The following PITPNC1 variants were observed in gnomAD, a reference collection of about 807,000 sequenced individuals.
PITPNC1 encodes the protein phosphatidylinositol transfer protein cytoplasmic 1, also known as cytoplasmic phosphatidylinositol transfer protein 1.
In PITPNC1, 18 loss-of-function variants were observed where a neutral mutation model predicts 44.7. The observed-to-expected ratio is 0.40, with a 90% confidence interval of 0.28 to 0.60. The LOEUF is 0.60. PITPNC1 is among the 20% of genes least tolerant of loss of function. PITPNC1 has a pLI of 0.39. For synonymous variants in PITPNC1, 141 were observed against 149.6 expected (o/e 0.94, Z 0.42); for missense variants, 290 against 418.4 (o/e 0.69, Z 2.68).
At chr17:67,423,628 C>G (rs2038701729) in intron 1 of PITPNC1, among the ~76,000 whole-genome samples, 1 of 152,198 alleles carries the variant, frequency 6.6e-6, no homozygotes, top group South Asian at 2.1e-4. Context: ...CTCAGCCTCC[C>G]TGAAGGTCCA....
At chr17:67,460,877 G>A (rs1018286673) in intron 1 of PITPNC1, among the ~76,000 whole-genome samples, 2 of 149,494 alleles carry the variant, frequency 1.3e-5, no homozygotes, top group African/African-American at 2.5e-5. Context: ...CAGTAGCTGG[G>A]ATTATAGGCG....
chr17:67,574,465 G>A (rs1836065), intron 4 of PITPNC1, among the ~76,000 whole-genome samples: 9,396 of 152,226 alleles, frequency 0.062, 448 homozygotes, highest in African/African-American at 0.13. Flanking sequence ...GCAAGGGAGA[G>A]GGGAGAAAGG....
intron 6 of PITPNC1, among the ~76,000 whole-genome samples, chr17:67,656,496 C>T (rs1481567443): frequency 6.6e-6 from 1 of 152,190 alleles, no homozygotes; most frequent in African/African-American, 2.4e-5. Flanking sequence ...CTGCAAGGAC[C>T]TTTCCCAAAT....
chr17:67,627,445 TGAAGGA>T (rs2041909728), intron 5 of PITPNC1, among the ~76,000 whole-genome samples: 1 of 152,232 alleles, frequency 6.6e-6, no homozygotes, highest in Non-Finnish European at 1.5e-5. Flanking sequence ...ACGCTGTTAA[TGAAGGA>T]GACCAGTGGT....
intron 1 of PITPNC1, among the ~76,000 whole-genome samples, chr17:67,386,809 G>T (rs967128768): frequency 1.3e-5 from 2 of 152,100 alleles, no homozygotes; most frequent in Non-Finnish European, 2.9e-5. Flanking sequence ...CTTTTGCCCT[G>T]TATCAGAGAA....
At chr17:67,412,723 C>T (rs778487786) in intron 1 of PITPNC1, among the ~76,000 whole-genome samples, 10 of 152,098 alleles carry the variant, frequency 6.6e-5, no homozygotes, top group East Asian at 1.9e-4. Context: ...CCCACCACCA[C>T]GCCTGGCTAA....
intron 8 of PITPNC1, among the ~76,000 whole-genome samples, chr17:67,678,337 A>C (rs933915308): frequency 1.3e-5 from 2 of 152,242 alleles, no homozygotes; most frequent in African/African-American, 4.8e-5. Flanking sequence ...TTATTTACTT[A>C]GGATGAGTGA....
chr17:67,547,172 G>A (rs145157678), intron 2 of PITPNC1, among the ~76,000 whole-genome samples: 48 of 152,288 alleles, frequency 3.2e-4, no homozygotes, highest in African/African-American at 1.1e-3. Flanking sequence ...TTTTAGGTAC[G>A]CTGTTGAGAA....
chr17:67,546,864 T>TA (rs1463898233), intron 2 of PITPNC1, among the ~76,000 whole-genome samples: 1 of 151,998 alleles, frequency 6.6e-6, no homozygotes, highest in East Asian at 1.9e-4. Context: ...AACAATTACA[T>TA]TAAGAGCACA....
intron 2 of PITPNC1, among the ~76,000 whole-genome samples, chr17:67,549,864 C>T (rs1329454339): frequency 6.6e-6 from 1 of 152,154 alleles, no homozygotes; most frequent in African/African-American, 2.4e-5. Flanking sequence ...GGGAGATTCT[C>T]CAACCCTGAG....
At position 67,522,659 on chromosome 17, in the gene PITPNC1, CT is replaced by C. The variant is rs773797594; in HGVS notation, c.49-10129del. On this transcript the variant is annotated intron_variant, in intron 1 of 8. Transcript: ENST00000581322. ...ATATCATAAAATTTACCATTTTAATCTTTTTTTTTTTTTTGGAAAATGAGGT... is the reference window on the plus strand; with the variant it reads ...ATATCATAAAATTTACCATTTTAATCTTTTTTTTTTTTTGGAAAATGAGGT... 1.3e-3 allele frequency among the ~76,000 whole-genome samples: 156 copies of C among 117,154 alleles called. 8 individuals carry two copies. The highest frequency in any genetic ancestry group is 3.3e-3 in the African/African-American group (75 of 22,814). 76.9% of individuals were successfully genotyped at this position (117,154 alleles called of 152,430 possible).
At chr17:67,401,136 T>C (rs776513927) in intron 1 of PITPNC1, among the ~76,000 whole-genome samples, 2 of 152,150 alleles carry the variant, frequency 1.3e-5, no homozygotes, top group Non-Finnish European at 2.9e-5. Flanking sequence ...GGTTTCACCA[T>C]ATTGGCCAGG....
At chr17:67,547,908 C>T (rs1450199656) in intron 2 of PITPNC1, among the ~76,000 whole-genome samples, 2 of 152,136 alleles carry the variant, frequency 1.3e-5, no homozygotes, top group African/African-American at 4.8e-5. Context: ...TGCCAGGGTT[C>T]AAAACCTTGT....
intron 1 of PITPNC1, among the ~76,000 whole-genome samples, chr17:67,507,368 AG>A (rs2040118786): frequency 6.6e-6 from 1 of 152,086 alleles, no homozygotes; most frequent in South Asian, 2.1e-4. Context: ...AAATCATTAA[AG>A]GTTTCAGATT....
At chr17:67,548,892 T>G (rs2040720048) in intron 2 of PITPNC1, among the ~76,000 whole-genome samples, 1 of 152,168 alleles carries the variant, frequency 6.6e-6, no homozygotes, top group South Asian at 2.1e-4. Flanking sequence ...TGTGACAGTA[T>G]ACATCATGAA....
chr17:67,425,195 A>G (rs12449570), intron 1 of PITPNC1, among the ~76,000 whole-genome samples: 85,139 of 115,292 alleles, frequency 0.74, 31,152 homozygotes, highest in African/African-American at 0.86. Context: ...GTGCGCGCGC[A>G]CGCACACGCA....
intron 5 of PITPNC1, among the ~76,000 whole-genome samples, chr17:67,629,646 A>G (rs1439261947): frequency 6.6e-6 from 1 of 152,256 alleles, no homozygotes; most frequent in Non-Finnish European, 1.5e-5. Context: ...ATTTGCAGAA[A>G]GAAAGAAGGA....
At chr17:67,608,198 G>A (rs1340889915) in intron 5 of PITPNC1, among the ~76,000 whole-genome samples, 1 of 135,216 alleles carries the variant, frequency 7.4e-6, no homozygotes, top group African/African-American at 2.8e-5. Flanking sequence ...TTTTTCAATA[G>A]CAAATAAAAA....
intron 5 of PITPNC1, among the ~76,000 whole-genome samples, chr17:67,584,580 T>C (rs1236939873): frequency 6.6e-6 from 1 of 152,096 alleles, no homozygotes; most frequent in African/African-American, 2.4e-5. Context: ...CATCAGGGTG[T>C]AGAGGATGCA....
Sources: gnomAD v4.1 joint callset for allele counts (sites outside exome capture counted in the v4.1 genomes callset) on GRCh38, gnomAD v4.1.1 for gene constraint, MANE v1.5 for transcripts, NCBI Gene and HGNC (gene_info 2026-07-23, HGNC 2026-07-21) for gene names.